Variants in ARID2 observed in about 807,000 individuals in gnomAD.
The protein encoded by ARID2 is AT-rich interaction domain 2, also known as AT-rich interactive domain-containing protein 2.
A neutral mutation model predicts 184.6 loss-of-function variants in ARID2; 32 were observed. That is an observed-to-expected ratio of 0.17 (90% confidence interval 0.13 to 0.23). The LOEUF is 0.23. Ranked by LOEUF, ARID2 falls within the 10% of genes least tolerant of loss-of-function variation. The pLI is 1.00. For synonymous variants in ARID2, 836 were observed against 772.6 expected, an observed-to-expected ratio of 1.08 and a Z score of -1.36; for missense variants, 1,696 against 2,197.6, an observed-to-expected ratio of 0.77 and a Z score of 4.56.
Position 45,816,323 on chromosome 12 carries a change from A to G in ARID2, c.419-1347A>G, listed in dbSNP as rs187678528. On this transcript the variant is annotated intron_variant, in intron 4 of 20. Coordinates refer to ENST00000334344, the MANE Select transcript of ARID2 (RefSeq NM_152641.4). ...TCAAAATTAAAATTTCTGTTTAAAG[A>G]CACTTAAGAAAATGAAAAGATAAGC... 3.1e-4 allele frequency among the ~76,000 whole-genome samples: 47 copies of G among 152,324 alleles called. No homozygotes were observed. In the South Asian group the frequency reaches 9.3e-3, roughly 30 times the overall value.
chr12:45,769,096 G>C (rs1291042883), intron 3 of ARID2, among the ~76,000 whole-genome samples: 2 of 152,154 alleles, frequency 1.3e-5, no homozygotes, highest in Non-Finnish European at 1.5e-5. Context: ...TCAATATCCA[G>C]AGTGGCTATA....
At chr12:45,799,396 T>G (rs779143503) in intron 3 of ARID2, among the ~76,000 whole-genome samples, 4 of 152,210 alleles carry the variant, frequency 2.6e-5, no homozygotes, top group Non-Finnish European at 5.9e-5. Flanking sequence ...TGCATCATTA[T>G]GTACACTTAA....
chr12:45,736,288 C>T (rs371096638), intron 3 of ARID2, among the ~76,000 whole-genome samples: 3 of 150,538 alleles, frequency 2.0e-5, no homozygotes, highest in East Asian at 1.9e-4. Context: ...ACTCGGGAGG[C>T]GGAGCTTGCA....
chr12:45,786,129 A>G (rs976663840), intron 3 of ARID2, among the ~76,000 whole-genome samples: 6 of 152,236 alleles, frequency 3.9e-5, no homozygotes, highest in Non-Finnish European at 8.8e-5. Flanking sequence ...ATTCATATTT[A>G]TAAATATAAT....
intron 11 of ARID2, among the ~76,000 whole-genome samples, chr12:45,844,195 G>A (rs988372461): frequency 2.0e-5 from 3 of 151,966 alleles, no homozygotes; most frequent in African/African-American, 7.3e-5. Context: ...ATGCCACCAA[G>A]TCTGGCTAAG....
intron 3 of ARID2, among the ~76,000 whole-genome samples, chr12:45,780,681 T>C (rs542607110): frequency 1.4e-4 from 22 of 152,192 alleles, no homozygotes; most frequent in African/African-American, 5.3e-4. Context: ...TGCAATGGCG[T>C]GATCTCGGCT....
intron 6 of ARID2, among the ~76,000 whole-genome samples, chr12:45,824,570 A>G (rs1293468627): frequency 1.3e-5 from 2 of 152,086 alleles, no homozygotes; most frequent in South Asian, 2.1e-4. Context: ...GAGAACCACA[A>G]TGAGATATCA....
rs1416345470 is a variant in ARID2, at chr12:45,787,288, G to C, written c.285-24130G>C. ...GCTGGAGCACGGTGGCACAATCGCG[G>C]CTCACTATAGCCTCGACCTCCCAGG... On this transcript the variant is annotated intron_variant, in intron 3 of 20. Transcript: ENST00000334344. Among the ~76,000 whole-genome samples, 8 of 151,298 alleles carry C rather than the reference G, an allele frequency of 5.3e-5. No individual in the cohort carries two copies. In the East Asian group the frequency reaches 1.6e-3, roughly 29 times the overall value.
At chr12:45,740,715 A>G (rs1481595384) in intron 3 of ARID2, among the ~76,000 whole-genome samples, 1 of 152,208 alleles carries the variant, frequency 6.6e-6, no homozygotes, top group Non-Finnish European at 1.5e-5. Flanking sequence ...TATAGCAATC[A>G]TATCCCCCAA....
intron 3 of ARID2, among the ~76,000 whole-genome samples, chr12:45,758,386 T>G (rs1268610462): frequency 6.6e-6 from 1 of 152,068 alleles, no homozygotes; most frequent in Non-Finnish European, 1.5e-5. Context: ...GATTTTTTTT[T>G]TGTGCGACTT....
At chr12:45,742,709 A>G (rs1291880793) in intron 3 of ARID2, among the ~76,000 whole-genome samples, 3 of 152,196 alleles carry the variant, frequency 2.0e-5, no homozygotes, top group Non-Finnish European at 2.9e-5. Context: ...GATTGTTTCC[A>G]GTGTTACTGT....
intron 16 of ARID2, among the ~76,000 whole-genome samples, chr12:45,878,773 G>A (rs1454490375): frequency 2.0e-5 from 3 of 152,002 alleles, no homozygotes; most frequent in African/African-American, 4.8e-5. Context: ...GGTGGTGGGC[G>A]GGGGTTGTTT....
At chr12:45,831,220 A>AT (rs1374856930) in intron 6 of ARID2, among the ~76,000 whole-genome samples, 2 of 151,976 alleles carry the variant, frequency 1.3e-5, no homozygotes, top group Non-Finnish European at 2.9e-5. Flanking sequence ...TGTTGTTTTT[A>AT]TTTTTTTAAT....
chr12:45,766,557 T>A (rs1378085666), intron 3 of ARID2, among the ~76,000 whole-genome samples: 1 of 142,250 alleles, frequency 7.0e-6, no homozygotes, highest in Non-Finnish European at 1.6e-5. Flanking sequence ...TCTGTCACCC[T>A]GGCTGGAGTG....
intron 3 of ARID2, among the ~76,000 whole-genome samples, chr12:45,804,246 C>T (rs1043931567): frequency 6.6e-6 from 1 of 152,106 alleles, no homozygotes; most frequent in Middle Eastern, 3.2e-3. Context: ...TAGAAGTATT[C>T]TGAGATTCTT....
chr12:45,804,809 C>G (rs988185875), intron 3 of ARID2, among the ~76,000 whole-genome samples: 5 of 152,068 alleles, frequency 3.3e-5, no homozygotes, highest in Non-Finnish European at 5.9e-5. Flanking sequence ...GAATGGCAGA[C>G]TTTAGCTTGT....
chr12:45,893,887 T>G (rs1944335820), intron 20 of ARID2, 166 bp downstream of exon 20: 1 of 506,144 alleles, frequency 2.0e-6, no homozygotes, highest in African/African-American at 2.0e-5. Flanking sequence ...CTCTTAAAAG[T>G]CAAAAATAAA....
At chr12:45,856,161 A>G (rs1409568255) in intron 15 of ARID2, among the ~76,000 whole-genome samples, 8 of 128,960 alleles carry the variant, frequency 6.2e-5, no homozygotes, top group Admixed American at 6.2e-4. Context: ...TGCAACCTCT[A>G]CCTCCCGGGT....
intron 3 of ARID2, among the ~76,000 whole-genome samples, chr12:45,779,937 G>T (rs1942057879): frequency 6.6e-6 from 1 of 152,046 alleles, no homozygotes; most frequent in South Asian, 2.1e-4. Flanking sequence ...TATGTCATTT[G>T]CTTACAATAT....
Sources: gnomAD v4.1 joint callset for allele counts (sites outside exome capture counted in the v4.1 genomes callset) on GRCh38, gnomAD v4.1.1 for gene constraint, MANE v1.5 for transcripts, NCBI Gene and HGNC (gene_info 2026-07-23, HGNC 2026-07-21) for gene names.